Variants in BUB3 observed in about 807,000 individuals in gnomAD.
BUB3 encodes BUB3 mitotic checkpoint protein, also known as mitotic checkpoint protein BUB3.
In BUB3, 22 loss-of-function variants were observed where a neutral mutation model predicts 39.9. That is an observed-to-expected ratio of 0.55 (90% confidence interval 0.39 to 0.79). The LOEUF is 0.79. Ranked by LOEUF, BUB3 falls within the 30% of genes least tolerant of loss-of-function variation. The probability of loss-of-function intolerance (pLI) is 0.00; values close to 1 mark genes in which losing one functional copy is unlikely to be tolerated. For missense variants in BUB3, 303 were observed against 415.4 expected (o/e 0.73, Z 2.35); for synonymous variants, 168 against 155.1 (o/e 1.08, Z -0.62).
chr10:123,164,637 AAATG>A lies in BUB3; in HGVS notation c.*806_*809del. On this transcript the variant is annotated 3_prime_UTR_variant, in exon 8 of 8. Coordinates refer to ENST00000368865, the MANE Select transcript of BUB3 (RefSeq NM_004725.4). ...TCTATTTGGACCTGTTTCTATCTCT[AAATG>A]AATTTTTGGAAACATTAATGAGGTT... is the stretch of plus-strand genomic sequence containing the variant. The A allele has an allele frequency of 1.0e-6, 1 of 993,902 alleles. No homozygotes were observed. The highest frequency in any genetic ancestry group is 1.2e-6 in the Non-Finnish European group (1 of 835,474). The allele number at this position is 993,902 out of a possible 1,614,324, so 61.6% of individuals were successfully genotyped here.
chr10:123,157,853 T>C lies in BUB3; in HGVS notation c.390T>C (p.Asn130=), dbSNP rs901212009. The change falls in exon 4 of 8, where the codon AAT becomes AAC. Residue 130 remains asparagine, a synonymous_variant. Coordinates refer to ENST00000368865, the MANE Select transcript of BUB3 (RefSeq NM_004725.4). The part of the protein sequence containing the change: ...VKLWDPRTPC[N]AGTFSQPEKV... ...TGTGGGATCCCAGAACTCCTTGTAA[T>C]GCTGGGACCTTCTCTCAGCCTGAAA... 48 of 1,613,580 alleles carry C rather than the reference T, an allele frequency of 3.0e-5. No individual in the cohort carries two copies. The highest frequency in any genetic ancestry group is 4.0e-5 in the Non-Finnish European group (47 of 1,179,916).
chr10:123,160,357 A>G (rs767169290), intron 4 of BUB3, 50 bp from the exon 5 acceptor site: 1 of 1,440,212 alleles, frequency 6.9e-7, no homozygotes, highest in Non-Finnish European at 9.2e-7. Context: ...GCAAAATGCC[A>G]TTTTCAGGCA....
At position 123,169,548 on chromosome 10, in the gene BUB3, G is replaced by A. The variant is rs1190111001; in HGVS notation, c.*5713G>A. ...ACTTAGTTAAGTTTGGTGACTGCTTGAAGTCTAAGATCACCAAAGTGGCTA... is the reference window on the plus strand; with the variant it reads ...ACTTAGTTAAGTTTGGTGACTGCTTAAAGTCTAAGATCACCAAAGTGGCTA... On this transcript the variant is annotated 3_prime_UTR_variant, in exon 8 of 8. Transcript: ENST00000368865. 1.3e-5 allele frequency: 2 copies of A among 152,226 alleles called. No individual in the cohort carries two copies. Among genetic ancestry groups the A allele is most frequent in the African/African-American group, 4.8e-5 (2 of 41,450 alleles). 9.4% of individuals were successfully genotyped at this position (152,226 alleles called of 1,614,324 possible). A position where few individuals can be genotyped will look rare whatever the true frequency, so the allele number is the denominator to read the frequency against.
In BUB3 at chr10:123,167,375, A is replaced by C. The variant is rs1203700815; in HGVS notation, c.*3540A>C. 6.6e-6 allele frequency: 1 copy of C among 152,152 alleles called. No individual in the cohort carries two copies. Among genetic ancestry groups the C allele is most frequent in the Non-Finnish European group, 1.5e-5 (1 of 68,032 alleles). 9.4% of individuals were successfully genotyped at this position (152,152 alleles called of 1,614,324 possible). ...CCTTCTTCCTTGTTGCAGCTCACAA[A>C]TAAGTGTGCCCTTTCTCAAAACACG... On this transcript the variant is annotated 3_prime_UTR_variant, in exon 8 of 8. Transcript: ENST00000368865.
At chr10:123,163,752 T>G (rs769236033) in intron 7 of BUB3, 68 bp from the exon 8 acceptor site, 7 of 1,418,694 alleles carry the variant, frequency 4.9e-6, no homozygotes, top group Non-Finnish European at 6.9e-6. Flanking sequence ...AATCTGTCAC[T>G]TTTGTATCTC....
Position 123,162,566 on chromosome 10 carries a change from T to C in BUB3, c.755-46T>C, listed in dbSNP as rs769473400. On this transcript the variant is annotated intron_variant, in intron 6 of 7. Coordinates refer to ENST00000368865, the MANE Select transcript of BUB3 (RefSeq NM_004725.4). Reference sequence around the variant, plus strand: ...ACTGTTAAGAGAATGGTTATTTCTGTATCTGGTGTTAAGAACCATTTTAAC... The same window carrying C: ...ACTGTTAAGAGAATGGTTATTTCTGCATCTGGTGTTAAGAACCATTTTAAC... 12 of 1,574,542 alleles carry C rather than the reference T, an allele frequency of 7.6e-6. No individual in the cohort carries two copies. The East Asian group carries it at 2.2e-4, about 29-fold the overall frequency.
At chr10:123,163,569 A>C (rs1844451573) in intron 7 of BUB3, among the ~76,000 whole-genome samples, 1 of 152,252 alleles carries the variant, frequency 6.6e-6, no homozygotes, top group African/African-American at 2.4e-5. Context: ...GAATGTTTTC[A>C]GGATTCCTGT....
chr10:123,160,726 G>A (rs1428775993), intron 5 of BUB3, among the ~76,000 whole-genome samples, 161 bp downstream of exon 5: 4 of 150,736 alleles, frequency 2.7e-5, no homozygotes, highest in Non-Finnish European at 4.4e-5. Context: ...TGACAGCCAT[G>A]TGTTAACAGG....
chr10:123,154,900 T>C lies in BUB3; in HGVS notation c.1-18T>C, dbSNP rs1437912163. ...CAGCCCGCGGGACCCCTGGGGACTC[T>C]GGGCGCCTGTTCTGCAGATGACCGG... is the stretch of plus-strand genomic sequence containing the variant. On this transcript the variant is annotated intron_variant, in intron 1 of 7. Transcript: ENST00000368865. The C allele has an allele frequency of 6.2e-7, 1 of 1,605,822 alleles. No individual in the cohort carries two copies. Among genetic ancestry groups the C allele is most frequent in the Non-Finnish European group, 8.5e-7 (1 of 1,175,706 alleles).
intron 3 of BUB3, among the ~76,000 whole-genome samples, chr10:123,156,976 C>T (rs924205560): frequency 6.6e-6 from 1 of 152,076 alleles, no homozygotes; most frequent in Admixed American, 6.5e-5. Context: ...AACTCCTGAT[C>T]TCGTGATCCG....
At chr10:123,158,995 A>C (rs1465004788) in intron 4 of BUB3, among the ~76,000 whole-genome samples, 1 of 152,204 alleles carries the variant, frequency 6.6e-6, no homozygotes, top group Non-Finnish European at 1.5e-5. Context: ...TAAAATTCCC[A>C]GTATGATTGT....
At position 123,166,399 on chromosome 10, in the gene BUB3, C is replaced by CA. The variant is rs1844493114; in HGVS notation, c.*2565dup. ...ACAGAGGTCAGTATATTATACATGA[C>CA]AGAAGGATCCTGAAATATGACTTGC... On this transcript the variant is annotated 3_prime_UTR_variant, in exon 8 of 8. Coordinates refer to ENST00000368865, the MANE Select transcript of BUB3 (RefSeq NM_004725.4). The CA allele has an allele frequency of 6.6e-6, 1 of 152,174 alleles. No homozygotes were observed. Among genetic ancestry groups the CA allele is most frequent in the African/African-American group, 2.4e-5 (1 of 41,444 alleles). 9.4% of individuals were successfully genotyped at this position (152,174 alleles called of 1,614,324 possible). A position where few individuals can be genotyped will look rare whatever the true frequency, so the allele number is the denominator to read the frequency against.
rs1589692381 is a variant in BUB3, at chr10:123,165,076, T to G, written c.*1241T>G. ...ACCTAATCATCCTGTGAAAGTGGTT[T>G]CTCTATGGAAAGCTTTGTTTGCTTC... is the stretch of plus-strand genomic sequence containing the variant. On this transcript the variant is annotated 3_prime_UTR_variant, in exon 8 of 8. Coordinates refer to ENST00000368865, the MANE Select transcript of BUB3 (RefSeq NM_004725.4). The G allele has an allele frequency of 6.2e-7, 1 of 1,610,232 alleles. No individual in the cohort carries two copies.
At position 123,165,171 on chromosome 10, in the gene BUB3, C is replaced by T. The variant is rs192785062; in HGVS notation, c.*1336C>T. The T allele has an allele frequency of 7.2e-5, 93 of 1,290,888 alleles. No homozygotes were observed. Among genetic ancestry groups the T allele is most frequent in the Non-Finnish European group, 9.2e-5 (83 of 901,742 alleles). The allele number at this position is 1,290,888 out of a possible 1,614,324, so 80.0% of individuals were successfully genotyped here. Reference sequence around the variant, plus strand: ...GTGGATTTCTCTGTTTTCTGTCTTACAAGAAACTTGTCTATGTACCTTAAT... The same window carrying T: ...GTGGATTTCTCTGTTTTCTGTCTTATAAGAAACTTGTCTATGTACCTTAAT... On this transcript the variant is annotated 3_prime_UTR_variant, in exon 8 of 8. Transcript: ENST00000368865.
At chr10:123,154,781 C>T (rs1253986862) in intron 1 of BUB3, 137 bp from the exon 2 acceptor site, 4 of 939,438 alleles carry the variant, frequency 4.3e-6, no homozygotes, top group South Asian at 1.7e-5. Flanking sequence ...GGCGAGTGCT[C>T]GGCGCAGGCG....
chr10:123,156,240 G>A (rs531733665), intron 3 of BUB3, among the ~76,000 whole-genome samples: 2 of 152,246 alleles, frequency 1.3e-5, no homozygotes, highest in South Asian at 4.1e-4. Flanking sequence ...TTTCCTTTCG[G>A]TTAAGTAATT....
rs1036689439 is a variant in BUB3, at chr10:123,164,980, A to C, written c.*1145A>C. Reference sequence around the variant, plus strand: ...TACAGAGAAGGGTCTTTTTTTTTTTAAGTATTTCAGTGAAAACTTGGTGTA... The same window carrying C: ...TACAGAGAAGGGTCTTTTTTTTTTTCAGTATTTCAGTGAAAACTTGGTGTA... On this transcript the variant is annotated 3_prime_UTR_variant, in exon 8 of 8. Coordinates refer to ENST00000368865, the MANE Select transcript of BUB3 (RefSeq NM_004725.4). 482 of 1,511,232 alleles carry C rather than the reference A, an allele frequency of 3.2e-4. 2 individuals carry two copies. The highest frequency in any genetic ancestry group is 3.5e-5 in the Non-Finnish European group (39 of 1,124,852). 93.6% of individuals were successfully genotyped at this position (1,511,232 alleles called of 1,614,324 possible). A position where few individuals can be genotyped will look rare whatever the true frequency, so the allele number is the denominator to read the frequency against.
Position 123,164,682 on chromosome 10 carries a change from C to G in BUB3, c.*847C>G, listed in dbSNP as rs1386808317. The G allele has an allele frequency of 2.9e-6, 3 of 1,017,076 alleles. No homozygotes were observed. The highest frequency in any genetic ancestry group is 2.4e-6 in the Non-Finnish European group (2 of 850,612). 63.0% of individuals were successfully genotyped at this position (1,017,076 alleles called of 1,614,324 possible). A position where few individuals can be genotyped will look rare whatever the true frequency, so the allele number is the denominator to read the frequency against. On this transcript the variant is annotated 3_prime_UTR_variant, in exon 8 of 8. Coordinates refer to ENST00000368865, the MANE Select transcript of BUB3 (RefSeq NM_004725.4). The stretch of plus-strand genomic sequence containing the variant: ...TAATGAGGTTTACATATTTCTCTGA[C>G]ATTTATATAGTTCTTATGTCCATTT...
chr10:123,158,188 T>G (rs1844374649), intron 4 of BUB3, among the ~76,000 whole-genome samples: 1 of 152,204 alleles, frequency 6.6e-6, no homozygotes, highest in South Asian at 2.1e-4. Flanking sequence ...TAGCAGACTG[T>G]TCGATTGTCT....
Sources: allele counts gnomAD v4.1 joint callset (sites outside exome capture counted in the v4.1 genomes callset), GRCh38; gene constraint gnomAD v4.1.1; transcripts MANE v1.5; gene names NCBI Gene and HGNC (gene_info 2026-07-23, HGNC 2026-07-21).